Variants in PAM observed in about 807,000 individuals in gnomAD.
PAM encodes the protein peptidylglycine alpha-amidating monooxygenase, also known as peptidyl-glycine alpha-amidating monooxygenase.
A neutral mutation model predicts 122.1 loss-of-function variants in PAM; 72 were observed. That is an observed-to-expected ratio of 0.59 (90% CI 0.49 to 0.72). PAM has a LOEUF of 0.72. Among genes scored for constraint, PAM ranks in the 30% least tolerant of loss-of-function variants. The pLI is 0.00. For synonymous variants in PAM, 389 were observed against 404.4 expected (o/e 0.96, Z 0.46); for missense variants, 1,106 against 1,183.7 (o/e 0.93, Z 0.96).
chr5:103,028,079 C>A, intron 24 of PAM, 106 bp from the exon 25 acceptor site: 1 of 825,210 alleles, frequency 1.2e-6, no homozygotes, highest in South Asian at 1.5e-5. Context: ...AAGAGCCAGG[C>A]CTTGCTTTAT....
intron 1 of PAM, among the ~76,000 whole-genome samples, chr5:102,842,487 T>C (rs1778903266): frequency 6.6e-6 from 1 of 152,200 alleles, no homozygotes; most frequent in African/African-American, 2.4e-5. Context: ...AAGACGTGAC[T>C]TGCTCTTCCT....
intron 9 of PAM, among the ~76,000 whole-genome samples, chr5:102,948,647 T>C (rs988486774): frequency 7.2e-5 from 11 of 152,156 alleles, no homozygotes; most frequent in African/African-American, 2.7e-4. Flanking sequence ...CCATTCTTTA[T>C]TGAGATGCTA....
At chr5:102,972,432 C>G (rs1766138408) in intron 14 of PAM, among the ~76,000 whole-genome samples, 1 of 152,002 alleles carries the variant, frequency 6.6e-6, no homozygotes. Context: ...TAATTGAATG[C>G]CACCACACCC....
chr5:103,015,388 C>G (rs1781690689), intron 21 of PAM, among the ~76,000 whole-genome samples: 1 of 152,116 alleles, frequency 6.6e-6, no homozygotes, highest in South Asian at 2.1e-4. Flanking sequence ...CAGGCTTTGT[C>G]ACCAGATGCC....
At chr5:102,987,966 T>G (rs1314845098) in intron 15 of PAM, among the ~76,000 whole-genome samples, 1 of 152,182 alleles carries the variant, frequency 6.6e-6, no homozygotes, top group Non-Finnish European at 1.5e-5. Context: ...AATAAAGTAC[T>G]TGTAATGTAC....
At chr5:102,989,558 A>G (rs553723789) in intron 15 of PAM, among the ~76,000 whole-genome samples, 91 of 152,292 alleles carry the variant, frequency 6.0e-4, no homozygotes, top group African/African-American at 2.2e-3. Context: ...TATTCTGATC[A>G]GAAATAAGAA....
At position 102,825,916 on chromosome 5, in the gene PAM, C is replaced by A. The variant is rs191841313; in HGVS notation, c.-373-39907C>A. ...ATTATGAGAAATAAATGAGATTGTT[C>A]ATGAAACTGACTTGTGCTGTGTAAA... On this transcript the variant is annotated intron_variant, in intron 1 of 25. Transcript: ENST00000438793. Among the ~76,000 whole-genome samples the A allele has an allele frequency of 5.3e-5, 8 of 152,254 alleles. No individual in the cohort carries two copies. The East Asian group carries it at 1.5e-3, about 29-fold the overall frequency.
intron 1 of PAM, among the ~76,000 whole-genome samples, chr5:102,843,577 C>T (rs1779218724): frequency 1.3e-5 from 2 of 152,150 alleles, no homozygotes; most frequent in Admixed American, 1.3e-4. Flanking sequence ...AGACAAGCTA[C>T]AGAGTGGGAG....
intron 1 of PAM, among the ~76,000 whole-genome samples, chr5:102,823,232 A>T (rs1382296985): frequency 6.6e-6 from 1 of 152,180 alleles, no homozygotes; most frequent in African/African-American, 2.4e-5. Flanking sequence ...TTTGTCACCA[A>T]AGCTGAGAGT....
intron 4 of PAM, among the ~76,000 whole-genome samples, chr5:102,908,605 A>C (rs1230887348): frequency 6.6e-6 from 1 of 151,504 alleles, no homozygotes; most frequent in Admixed American, 6.6e-5. Flanking sequence ...ATTGGGAGAT[A>C]TACCTAATGC....
Position 103,029,039 on chromosome 5 carries a change from C to T in PAM, c.2896C>T (p.Pro966Ser), listed in dbSNP as rs1198362622. The change falls in exon 26 of 26, where the codon CCT becomes TCT. Residue 966 changes from proline to serine, a missense_variant. Pro to Ser is a moderately conservative substitution (Grantham distance 74, BLOSUM62 -1). Transcript: ENST00000438793. ...ESEEEYSAPL[P>S]ALAPSSS ...AGAAGAGGAGTATTCAGCACCTCTG[C>T]CTGCGCTCGCACCTTCCTCCTCCTG... 2 of 1,611,244 alleles carry T rather than the reference C, an allele frequency of 1.2e-6. No individual in the cohort carries two copies. The highest frequency in any genetic ancestry group is 1.7e-6 in the Non-Finnish European group (2 of 1,179,126).
intron 15 of PAM, among the ~76,000 whole-genome samples, chr5:102,989,108 G>A (rs949944386): frequency 7.2e-5 from 11 of 152,092 alleles, no homozygotes; most frequent in African/African-American, 2.7e-4. Context: ...TATCAACGCT[G>A]ATACAATAGC....
intron 3 of PAM, among the ~76,000 whole-genome samples, chr5:102,878,436 G>A (rs1359223064): frequency 6.6e-6 from 1 of 151,932 alleles, no homozygotes; most frequent in Non-Finnish European, 1.5e-5. Context: ...CTATGTTACT[G>A]GCTTATGTAT....
intron 5 of PAM, among the ~76,000 whole-genome samples, 154 bp from the exon 6 acceptor site, chr5:102,924,803 T>C (rs535745952): frequency 3.3e-4 from 51 of 152,302 alleles, no homozygotes; most frequent in African/African-American, 1.2e-3. Flanking sequence ...TTTGCTCCAG[T>C]CTTTATTCGG....
intron 1 of PAM, among the ~76,000 whole-genome samples, chr5:102,802,259 G>A (rs1456767428): frequency 2.0e-5 from 3 of 152,150 alleles, no homozygotes; most frequent in Non-Finnish European, 4.4e-5. Flanking sequence ...AAGCCATCAT[G>A]TATAATTCCT....
At chr5:103,005,317 G>C (rs1778630312) in intron 18 of PAM, 91 bp downstream of exon 18, 1 of 782,108 alleles carries the variant, frequency 1.3e-6, no homozygotes, top group Non-Finnish European at 2.2e-6. Flanking sequence ...TTGTTTGTTT[G>C]TTTTTTCTTC....
At chr5:102,805,455 G>A (rs181516487) in intron 1 of PAM, among the ~76,000 whole-genome samples, 155 of 152,152 alleles carry the variant, frequency 1.0e-3, no homozygotes, top group African/African-American at 3.6e-3. Context: ...GGATCCTCTT[G>A]GGAAAGAAGT....
intron 1 of PAM, among the ~76,000 whole-genome samples, chr5:102,818,399 A>G (rs1770641779): frequency 6.6e-6 from 1 of 151,968 alleles, no homozygotes. Flanking sequence ...TATAAAAATT[A>G]ACAGTTGAAA....
chr5:102,901,409 C>A lies in PAM; in HGVS notation c.264C>A (p.Phe88Leu). The change falls in exon 4 of 26, where the codon TTC becomes TTA. Residue 88 changes from phenylalanine to leucine, a missense_variant. By Grantham distance (22) the Phe-to-Leu change is conservative. This residue lies in a region of PAM where 670 missense variants were observed against 690.3 expected (regional missense o/e 0.97). Coordinates refer to ENST00000438793, the MANE Select transcript of PAM (RefSeq NM_001177306.2). ...SMRIPVDEEAFVIDFKPRASM... is the reference protein window; with the variant it reads ...SMRIPVDEEALVIDFKPRASM... ...GAATACCAGTGGATGAGGAAGCCTT[C>A]GTGAGTAAGTATTAATTGGATTGGG... 1.3e-6 allele frequency: 2 copies of A among 1,546,774 alleles called. No homozygotes were observed. The highest frequency in any genetic ancestry group is 2.3e-5 in the East Asian group (1 of 44,360).
Sources: gnomAD v4.1 joint callset for allele counts (sites outside exome capture counted in the v4.1 genomes callset) on GRCh38, gnomAD v4.1.1 for gene constraint, gnomAD v4.1.1 regional missense constraint, MANE v1.5 for transcripts, NCBI Gene and HGNC (gene_info 2026-07-23, HGNC 2026-07-21) for gene names.